IPO8: variants seen among roughly 807,000 people sequenced by gnomAD.
The protein encoded by IPO8 is importin-8.
In IPO8, 65 loss-of-function variants were observed where a neutral mutation model predicts 141.2. That is an observed-to-expected ratio of 0.46 (90% confidence interval 0.38 to 0.57). The LOEUF (loss-of-function observed/expected upper bound fraction) is 0.57. Ranked by LOEUF, IPO8 falls within the 20% of genes least tolerant of loss-of-function variation. The pLI is 0.00. For synonymous variants in IPO8, 411 were observed against 420.3 expected (o/e 0.98, Z 0.27); for missense variants, 980 against 1,246.8 (o/e 0.79, Z 3.22).
intron 20 of IPO8, among the ~76,000 whole-genome samples, chr12:30,644,494 A>C (rs1322918500): frequency 6.6e-6 from 1 of 152,160 alleles, no homozygotes; most frequent in Non-Finnish European, 1.5e-5. Flanking sequence ...ATTCTCAAAA[A>C]TAATGAAGAT....
At chr12:30,693,614 G>A (rs937499317) in intron 1 of IPO8, among the ~76,000 whole-genome samples, 1 of 152,184 alleles carries the variant, frequency 6.6e-6, no homozygotes, top group East Asian at 1.9e-4. Flanking sequence ...TGGTGGCAAA[G>A]GACAAGCAGG....
chr12:30,638,407 C>T (rs1449041663), intron 21 of IPO8, among the ~76,000 whole-genome samples: 1 of 152,172 alleles, frequency 6.6e-6, no homozygotes, highest in Admixed American at 6.5e-5. Context: ...TCCCCCATTC[C>T]TAACGCCCCA....
At chr12:30,691,925 A>C (rs544797831) in intron 1 of IPO8, among the ~76,000 whole-genome samples, 58 of 152,328 alleles carry the variant, frequency 3.8e-4, no homozygotes, top group Admixed American at 2.7e-3. Context: ...TGTAGTCTTC[A>C]GATCACAAAT....
intron 2 of IPO8, among the ~76,000 whole-genome samples, chr12:30,688,096 T>C (rs1287940474): frequency 6.6e-6 from 1 of 152,160 alleles, no homozygotes; most frequent in Admixed American, 6.5e-5. Flanking sequence ...AGAGAAATTT[T>C]ACTAAAGAGT....
Position 30,639,581 on chromosome 12 carries a change from T to C in IPO8, c.2423A>G (p.His808Arg). The stretch of plus-strand genomic sequence containing the variant: ...CTGTACAGTGATAGGTCCAGGGTTG[T>C]GAGGCAACTGAATTCGTTCTAAAGT... ...LHTLERIQLPHNPGPITVQFI... is the reference protein window; with the variant it reads ...LHTLERIQLPRNPGPITVQFI... The change falls in exon 21 of 25, where the codon CAC becomes CGC. Residue 808 changes from histidine (H) to arginine (R), a missense_variant. Physicochemically the swap from His to Arg is conservative, Grantham distance 29. Coordinates refer to ENST00000256079, the MANE Select transcript of IPO8 (RefSeq NM_006390.4). 1 of 1,614,130 alleles carries C rather than the reference T, an allele frequency of 6.2e-7. No homozygotes were observed. Among genetic ancestry groups the C allele is most frequent in the Non-Finnish European group, 8.5e-7 (1 of 1,179,974 alleles).
At chr12:30,688,330 A>G (rs1007566667) in intron 2 of IPO8, 2 of 344,204 alleles carry the variant, frequency 5.8e-6, no homozygotes, top group Non-Finnish European at 5.7e-6. Context: ...TTTCTTGAAA[A>G]CTCACAGTAA....
Position 30,690,558 on chromosome 12 carries a change from A to G in IPO8, c.104T>C (p.Phe35Ser). The change falls in exon 2 of 25, where the codon TTT becomes TCT. Residue 35 changes from phenylalanine (F) to serine (S), a missense_variant. This residue lies in a region of IPO8 where 40 missense variants were observed against 46.3 expected (regional missense o/e 0.86). Coordinates refer to ENST00000256079, the MANE Select transcript of IPO8 (RefSeq NM_006390.4). ...TATAATCCGAAGTAAACTGGGGGCA[A>G]AATTGATAATCTTGTAGGACTGAAA... is the stretch of plus-strand genomic sequence containing the variant. The part of the protein sequence containing the change: ...ELNQSYKIIN[F>S]APSLLRIIVS... 6.3e-7 allele frequency: 1 copy of G among 1,586,400 alleles called. No individual in the cohort carries two copies. Among genetic ancestry groups the G allele is most frequent in the Non-Finnish European group, 8.6e-7 (1 of 1,164,866 alleles).
intron 1 of IPO8, among the ~76,000 whole-genome samples, chr12:30,692,872 T>C (rs1476165204): frequency 6.6e-6 from 1 of 152,174 alleles, no homozygotes; most frequent in Non-Finnish European, 1.5e-5. Context: ...CCCAACACTC[T>C]TGCTCGGGCT....
intron 2 of IPO8, 126 bp downstream of exon 2, chr12:30,690,370 G>A: frequency 1.6e-6 from 1 of 625,262 alleles, no homozygotes; most frequent in Non-Finnish European, 2.8e-6. Context: ...GAAGTCACTG[G>A]AAATACTTCA....
At chr12:30,643,083 G>C (rs1245937712) in intron 20 of IPO8, among the ~76,000 whole-genome samples, 43 of 152,128 alleles carry the variant, frequency 2.8e-4, no homozygotes, top group Admixed American at 2.8e-3. Flanking sequence ...GTTTCTCAAA[G>C]TAGCCTGATA....
chr12:30,695,132 G>A lies in IPO8; in HGVS notation c.84+432C>T, dbSNP rs559674120. On this transcript the variant is annotated intron_variant, in intron 1 of 24. Transcript: ENST00000256079. This position sits in a 1 kb window ranked among gnomAD's most constrained non-coding sequence, Gnocchi z 4.2. ...GACAGGAGGAGGCGGTGGGCAGCGT[G>A]CTCCACAGCAACACCTAAAAAGGGC... 2 of 420,768 alleles carry A rather than the reference G, an allele frequency of 4.8e-6. No homozygotes were observed. Among genetic ancestry groups the A allele is most frequent in the Admixed American group, 5.8e-5 (2 of 34,406 alleles). The allele number at this position is 420,768 out of a possible 1,614,324, so 26.1% of individuals were successfully genotyped here. A position where few individuals can be genotyped will look rare whatever the true frequency, so the allele number is the denominator to read the frequency against.
intron 17 of IPO8, among the ~76,000 whole-genome samples, chr12:30,656,356 T>TA (rs1240450275): frequency 6.6e-6 from 1 of 152,174 alleles, no homozygotes; most frequent in East Asian, 1.9e-4. Flanking sequence ...TTTCTGATTT[T>TA]AAAAAATGCC....
chr12:30,665,306 TC>T lies in IPO8; in HGVS notation c.1341del (p.Ser448ValfsTer40). The T allele has an allele frequency of 6.5e-7, 1 of 1,546,228 alleles. No homozygotes were observed. The highest frequency in any genetic ancestry group is 8.9e-7 in the Non-Finnish European group (1 of 1,126,580). ...IGSLAEILLK[K>X]SLFKDQMELF... is the part of the protein sequence containing the mutation. ...AGCTCCATTTGGTCCTTGAATAAAC[TC>T]TTCTATTAGGAAACAAATTTCAACT... On this transcript the variant is annotated frameshift_variant and splice_region_variant, in exon 13 of 25. Transcript: ENST00000256079. LOFTEE classifies it high-confidence loss of function.
chr12:30,647,179 A>G (rs1237258567), intron 20 of IPO8, among the ~76,000 whole-genome samples: 1 of 152,244 alleles, frequency 6.6e-6, no homozygotes, highest in Non-Finnish European at 1.5e-5. Flanking sequence ...TGATTTGACA[A>G]GAATGCCAAG....
chr12:30,683,147 C>T (rs919877524), intron 3 of IPO8, among the ~76,000 whole-genome samples: 15 of 152,094 alleles, frequency 9.9e-5, no homozygotes, highest in African/African-American at 2.9e-4. Flanking sequence ...TAGAACCACT[C>T]GAAGATTAAG....
At chr12:30,643,916 A>G (rs1163024687) in intron 20 of IPO8, among the ~76,000 whole-genome samples, 1 of 152,250 alleles carries the variant, frequency 6.6e-6, no homozygotes, top group Non-Finnish European at 1.5e-5. Flanking sequence ...TACAGCTCAG[A>G]ACCCTCCAAA....
rs1399966061 is a variant in IPO8, at chr12:30,682,633, T to A, written c.324-816A>T. Among the ~76,000 whole-genome samples the A allele has an allele frequency of 3.3e-5, 5 of 152,142 alleles. No homozygotes were observed. The South Asian group carries it at 6.2e-4, about 19-fold the overall frequency. On this transcript the variant is annotated intron_variant, in intron 3 of 24. Coordinates refer to ENST00000256079, the MANE Select transcript of IPO8 (RefSeq NM_006390.4). ...GGAAAAATTTCTTTTCTATAAACTA[T>A]CAATTCAATGTTATCACCAAATATG...
At chr12:30,651,026 T>C (rs1386758611) in intron 19 of IPO8, among the ~76,000 whole-genome samples, 2 of 152,092 alleles carry the variant, frequency 1.3e-5, no homozygotes, top group African/African-American at 2.4e-5. Context: ...TAAAAGAATA[T>C]GAAATATATT....
At chr12:30,648,581 C>T (rs1284825215) in intron 20 of IPO8, among the ~76,000 whole-genome samples, 1 of 152,016 alleles carries the variant, frequency 6.6e-6, no homozygotes, top group African/African-American at 2.4e-5. Flanking sequence ...ATAAGAAATA[C>T]ATAAAGCAAA....
Sources: allele counts gnomAD v4.1 joint callset (sites outside exome capture counted in the v4.1 genomes callset), GRCh38; gene constraint gnomAD v4.1.1; regional missense constraint gnomAD v4.1.1; non-coding constraint Gnocchi (gnomAD v3.1); transcripts MANE v1.5; gene names NCBI Gene and HGNC (gene_info 2026-07-23, HGNC 2026-07-21).